Variants in CROCC observed in about 807,000 individuals in gnomAD.
The protein encoded by CROCC is rootletin.
Under a neutral mutation model 245.2 loss-of-function variants are expected in CROCC, and 180 were observed. That is an observed-to-expected ratio of 0.73 (90% confidence interval 0.65 to 0.83). CROCC has a LOEUF of 0.83. Among genes scored for constraint, CROCC ranks in the 40% least tolerant of loss-of-function variants. The probability of loss-of-function intolerance (pLI) is 0.00; values close to 1 mark genes in which losing one functional copy is unlikely to be tolerated. For synonymous variants in CROCC, 1,205 were observed against 1,241.6 expected (o/e 0.97, Z 0.62); for missense variants, 2,688 against 2,779.4 (o/e 0.97, Z 0.74).
chr1:16,927,182 C>T (rs972363161), intron 3 of CROCC, among the ~76,000 whole-genome samples: 1 of 152,270 alleles, frequency 6.6e-6, no homozygotes, highest in African/African-American at 2.4e-5. Context: ...AGAAACACTC[C>T]AATTCACAGA....
rs1029588978 is a variant in CROCC, at chr1:16,955,944, G to A, written c.3705-53G>A. ...TTGGAGGAGACGGCTTTTGTGTAGA[G>A]CCACTGACTACTCCCAGGACCCAGG... On this transcript the variant is annotated intron_variant, in intron 24 of 36. Transcript: ENST00000375541. 21 of 1,545,274 alleles carry A rather than the reference G, an allele frequency of 1.4e-5. No individual in the cohort carries two copies. In the Admixed American group the frequency reaches 2.2e-4, roughly 16 times the overall value.
At chr1:16,920,828 C>T (rs1320639105), upstream of CROCC, among the ~76,000 whole-genome samples, 10 of 151,972 alleles carry the variant, frequency 6.6e-5, no homozygotes, top group Non-Finnish European at 1.2e-4. Context: ...ACTGCAACCT[C>T]TGCCTCCTGA....
chr1:16,970,876 C>CA, intron 35 of CROCC, 109 bp downstream of exon 35: 1 of 1,330,006 alleles, frequency 7.5e-7, no homozygotes, highest in African/African-American at 1.5e-5. Context: ...CCCCCTCCCC[C>CA]AGGAGCCCTG....
Position 16,972,493 on chromosome 1 carries a change from G to T in CROCC, c.*47G>T. On this transcript the variant is annotated 3_prime_UTR_variant, in exon 37 of 37. Transcript: ENST00000375541. The stretch of plus-strand genomic sequence containing the variant: ...ACACCCCTGTGCCTGGGACAGGGGA[G>T]GACCCTTCTTTTGGACAGCCCCCCC... The T allele has an allele frequency of 7.0e-7, 1 of 1,427,470 alleles. No homozygotes were observed. Among genetic ancestry groups the T allele is most frequent in the South Asian group, 1.3e-5 (1 of 79,028 alleles). 88.4% of individuals were successfully genotyped at this position (1,427,470 alleles called of 1,614,324 possible). A position where few individuals can be genotyped will look rare whatever the true frequency, so the allele number is the denominator to read the frequency against.
intron 19 of CROCC, among the ~76,000 whole-genome samples, 155 bp from the exon 20 acceptor site, chr1:16,950,798 A>G (rs1409088020): frequency 2.0e-5 from 3 of 152,278 alleles, no homozygotes; most frequent in African/African-American, 7.2e-5. Context: ...ACTGAGGCCC[A>G]GAGAGGGCAA....
rs925855013 is a variant in CROCC at position 16,970,134 on chromosome 1, C to G, written c.5452-119C>G. The G allele has an allele frequency of 2.1e-5, 26 of 1,230,302 alleles. No individual in the cohort carries two copies. The African/African-American group carries it at 3.9e-4, about 19-fold the overall frequency. 76.2% of individuals were successfully genotyped at this position (1,230,302 alleles called of 1,614,324 possible). A position where few individuals can be genotyped will look rare whatever the true frequency, so the allele number is the denominator to read the frequency against. On this transcript the variant is annotated intron_variant, in intron 33 of 36. Transcript: ENST00000375541. ...ACAGGTTTGGCTTCAGGTGACAATT[C>G]TCTGATGTGGGCCTCACCGTCGCCT...
At chr1:16,944,832 T>A (rs1346054010) in intron 14 of CROCC, among the ~76,000 whole-genome samples, 1 of 152,284 alleles carries the variant, frequency 6.6e-6, no homozygotes, top group African/African-American at 2.4e-5. Context: ...CTCAGGGACG[T>A]GATCGATGAT....
chr1:16,959,214 G>T (rs973570430), intron 26 of CROCC, among the ~76,000 whole-genome samples: 1 of 152,130 alleles, frequency 6.6e-6, no homozygotes, highest in African/African-American at 2.4e-5. Flanking sequence ...AGTAGAGACA[G>T]GATTTCACCA....
chr1:16,956,004 C>T lies in CROCC; in HGVS notation c.3712C>T (p.Leu1238Phe). 6.4e-7 allele frequency: 1 copy of T among 1,550,504 alleles called. No individual in the cohort carries two copies. Among genetic ancestry groups the T allele is most frequent in the Non-Finnish European group, 8.7e-7 (1 of 1,147,006 alleles). The change falls in exon 25 of 37, where the codon CTT (leucine) becomes TTT (phenylalanine). Residue 1238 changes from leucine (L) to phenylalanine (F), a missense_variant. By Grantham distance (22) the Leu-to-Phe change is conservative (BLOSUM62 0). Around this residue, in one of 9 missense-constraint regions of CROCC, gnomAD observed 1,218 missense variants for 1,286.3 expected, o/e 0.95. Transcript: ENST00000375541. ...KAESERISLKLANEDKEQKLA... is the reference protein window; with the variant it reads ...KAESERISLKFANEDKEQKLA... Reference sequence around the variant, plus strand: ...GACCTCTGCCCTCTCCAGCCTGAAGCTTGCCAATGAGGACAAGGAGCAGAA... The same window carrying T: ...GACCTCTGCCCTCTCCAGCCTGAAGTTTGCCAATGAGGACAAGGAGCAGAA...
chr1:16,953,233 C>T (rs2100495900), intron 20 of CROCC, 69 bp from the exon 21 acceptor site: 1 of 1,436,124 alleles, frequency 7.0e-7, no homozygotes, highest in Non-Finnish European at 9.4e-7. Flanking sequence ...TCTTGCTGCC[C>T]TGATGTTTTG....
In CROCC at chr1:16,930,320, T is replaced by G. The variant is rs1352484587; in HGVS notation, c.656T>G (p.Leu219Arg). The G allele has an allele frequency of 1.2e-6, 2 of 1,609,076 alleles. No individual in the cohort carries two copies. The highest frequency in any genetic ancestry group is 1.7e-6 in the Non-Finnish European group (2 of 1,178,568). ...TEHSQDLESA[L>R]IRLEEEQQRS... ...CACAGCCAAGACCTGGAAAGCGCCC[T>G]CATCCGGCTGGAGGAGGAGCAGCAG... The change falls in exon 6 of 37, where the codon CTC (leucine) becomes CGC (arginine). Residue 219 changes from leucine to arginine, a missense_variant. Physicochemically the swap from Leu to Arg is moderately radical, Grantham distance 102. Coordinates refer to ENST00000375541, the MANE Select transcript of CROCC (RefSeq NM_014675.5).
chr1:16,953,553 C>T, intron 21 of CROCC, 72 bp downstream of exon 21: 1 of 1,420,958 alleles, frequency 7.0e-7, no homozygotes, highest in Non-Finnish European at 9.4e-7. Context: ...CCTGCTCTGC[C>T]ACTTGGCAGC....
chr1:16,966,520 C>T lies in CROCC; in HGVS notation c.4809C>T (p.Ala1603=). ...GCCGGGCCACGCTGGACCAGGTGGC[C>T]ACACTGGAGAGGAGCCTGCAGGCCA... ...RERRATLDQV[A]TLERSLQATE... Residue 1603 remains alanine (A), a synonymous_variant, in exon 30 of 37, where the codon GCC becomes GCT. Coordinates refer to ENST00000375541, the MANE Select transcript of CROCC (RefSeq NM_014675.5). This position sits in a 1 kb window ranked among gnomAD's most constrained non-coding sequence, Gnocchi z 4.8. 6.6e-7 allele frequency: 1 copy of T among 1,525,302 alleles called. No homozygotes were observed. Among genetic ancestry groups the T allele is most frequent in the Non-Finnish European group, 8.8e-7 (1 of 1,140,276 alleles). The allele number at this position is 1,525,302 out of a possible 1,614,324, so 94.5% of individuals were successfully genotyped here.
In CROCC at chr1:16,930,480, G is replaced by C. The variant is rs1163101538; in HGVS notation, c.735G>C (p.Gln245His). The change falls in exon 7 of 37, where the codon CAG becomes CAC. Residue 245 changes from glutamine to histidine, a missense_variant. Gln to His is a conservative substitution (Grantham distance 24, BLOSUM62 0). Around this residue, in one of 9 missense-constraint regions of CROCC, gnomAD observed 972 missense variants for 895.3 expected, o/e 1.09. Transcript: ENST00000375541. ...VNAMLREQLD[Q>H]AGSANQALSE... ...CCATGCTCCGAGAACAGCTGGACCA[G>C]GCAGGCTCGGCCAACCAGGCTCTGA... The C allele has an allele frequency of 3.1e-6, 5 of 1,612,468 alleles. No homozygotes were observed. The South Asian group carries it at 5.5e-5, about 18-fold the overall frequency.
At chr1:16,959,919 T>G (rs1468743363) in intron 26 of CROCC, among the ~76,000 whole-genome samples, 2 of 151,210 alleles carry the variant, frequency 1.3e-5, no homozygotes, top group African/African-American at 4.9e-5. Flanking sequence ...TGTGAGTACA[T>G]GTGATTAATA....
At chr1:16,960,424 C>T (rs965795649) in intron 26 of CROCC, among the ~76,000 whole-genome samples, 1 of 152,134 alleles carries the variant, frequency 6.6e-6, no homozygotes, top group Non-Finnish European at 1.5e-5. Flanking sequence ...AAAGTGAGAT[C>T]GATTCATAGA....
At position 16,958,729 on chromosome 1, in the gene CROCC, C is replaced by T. The variant is rs1463860619; in HGVS notation, c.4011C>T (p.Ser1337=). The T allele has an allele frequency of 5.8e-6, 9 of 1,561,320 alleles. No homozygotes were observed. Among genetic ancestry groups the T allele is most frequent in the Non-Finnish European group, 7.8e-6 (9 of 1,153,368 alleles). The change falls in exon 26 of 37, where the codon AGC becomes AGT. Residue 1337 remains serine (S), a synonymous_variant. Transcript: ENST00000375541. Reference sequence around the variant, plus strand: ...AGAGGCTGCTGAAGGGCGAGGCCAGCCTGGAGGTGATGCGGCAGGAGGTAA... The same window carrying T: ...AGAGGCTGCTGAAGGGCGAGGCCAGTCTGGAGGTGATGCGGCAGGAGGTAA... ...LRQRLLKGEA[S]LEVMRQELQV... is the part of the protein sequence containing the mutation.
chr1:16,952,937 G>T (rs183279145), intron 20 of CROCC: 7 of 213,372 alleles, frequency 3.3e-5, no homozygotes, highest in African/African-American at 1.6e-4. Context: ...CCCCACCCCT[G>T]CCTGGGGCTC....
chr1:16,951,882 C>CTT (rs35956886), intron 20 of CROCC: 36 of 157,174 alleles, frequency 2.3e-4, no homozygotes, highest in African/African-American at 5.1e-4. Flanking sequence ...CGGTAAAGCT[C>CTT]TTTTTTTTTT....
Sources: allele counts gnomAD v4.1 joint callset (sites outside exome capture counted in the v4.1 genomes callset), GRCh38; gene constraint gnomAD v4.1.1; regional missense constraint gnomAD v4.1.1; non-coding constraint Gnocchi (gnomAD v3.1); transcripts MANE v1.5; gene names NCBI Gene and HGNC (gene_info 2026-07-23, HGNC 2026-07-21).